PRH1: variants seen among roughly 807,000 people sequenced by gnomAD.
PRH1 encodes proline rich protein HaeIII subfamily 1.
Under a neutral mutation model 7.9 loss-of-function variants are expected in PRH1, and 7 were observed. The observed-to-expected ratio is 0.89, with a 90% CI of 0.50 to 1.67. The LOEUF (loss-of-function observed/expected upper bound fraction) is 1.67, where lower values mean the gene tolerates loss of function less well. PRH1 is among the 40% of genes most tolerant of loss of function. The pLI, the probability that PRH1 is intolerant of heterozygous loss-of-function variation, is 0.00. For missense variants in PRH1, 109 were observed against 223.6 expected, an observed-to-expected ratio of 0.49 and a Z score of 3.27; for synonymous variants, 45 against 80.8, an observed-to-expected ratio of 0.56 and a Z score of 2.38.
intron 2 of PRH1, among the ~76,000 whole-genome samples, chr12:10,927,954 A>G (rs1266108637): frequency 6.6e-6 from 1 of 152,260 alleles, no homozygotes; most frequent in Non-Finnish European, 1.5e-5. Flanking sequence ...GGACCCTGGA[A>G]GGATTTTTCA....
At chr12:11,078,992 G>A (rs1944407391) in intron 1 of PRH1, 1 of 147,754 alleles carries the variant, frequency 6.8e-6, no homozygotes, top group Admixed American at 6.9e-5. Context: ...TGAGTTTCCA[G>A]GAGGTCATCC....
intron 2 of PRH1, chr12:10,908,535 T>A: frequency 1.9e-6 from 3 of 1,613,884 alleles, no homozygotes; most frequent in Non-Finnish European, 2.5e-6. Context: ...CTGATACAGC[T>A]CAGAAATCCA....
intron 1 of PRH1, among the ~76,000 whole-genome samples, chr12:11,160,889 A>G (rs7969723): frequency 0.042 from 6,469 of 152,344 alleles, 459 homozygotes; most frequent in African/African-American, 0.15. Context: ...ATCTATAGGC[A>G]GGAACTTTTT....
At chr12:11,056,774 C>T (rs1943376746) in intron 1 of PRH1, among the ~76,000 whole-genome samples, 1 of 152,128 alleles carries the variant, frequency 6.6e-6, no homozygotes, top group Admixed American at 6.5e-5. Flanking sequence ...GTCGAGATCA[C>T]ACCACTGCAC....
chr12:11,104,320 C>T (rs982421592), intron 1 of PRH1, among the ~76,000 whole-genome samples: 5 of 144,650 alleles, frequency 3.5e-5, no homozygotes, highest in Admixed American at 2.8e-4. Flanking sequence ...ATGATGATCA[C>T]TCATATGTTT....
intron 1 of PRH1, among the ~76,000 whole-genome samples, chr12:11,011,893 A>C (rs1941084380): frequency 1.3e-5 from 2 of 152,128 alleles, no homozygotes; most frequent in Admixed American, 6.6e-5. Context: ...TTGTCCTGTA[A>C]TTTCCAAAAT....
chr12:10,932,140 A>G, intron 2 of PRH1: 1 of 368,788 alleles, frequency 2.7e-6, no homozygotes, highest in Non-Finnish European at 6.0e-6. Flanking sequence ...ATGGTTTTGC[A>G]TCTTCCTCAC....
At position 11,099,152 on chromosome 12, in the gene PRH1, C is replaced by T. The variant is rs562490262; in HGVS notation, n.124-51964G>A. Among the ~76,000 whole-genome samples, 7 of 152,276 alleles carry T rather than the reference C, an allele frequency of 4.6e-5. No individual in the cohort carries two copies. In the South Asian group the frequency reaches 1.4e-3, roughly 32 times the overall value. The stretch of plus-strand genomic sequence containing the variant: ...CACAGGAAGACTGACTACCTTTCCC[C>T]TGAACTTGGAGTTCAATCATTTAAC... On this transcript the variant is annotated intron_variant and non_coding_transcript_variant, in intron 1 of 4. Transcript: ENST00000541977.
At chr12:10,945,723 T>G (rs973631715) in intron 2 of PRH1, among the ~76,000 whole-genome samples, 2 of 152,160 alleles carry the variant, frequency 1.3e-5, no homozygotes, top group Non-Finnish European at 2.9e-5. Context: ...AGGAATTTCC[T>G]CATCCTAATA....
chr12:10,932,151 C>A (rs535810399), intron 2 of PRH1: 6 of 384,298 alleles, frequency 1.6e-5, no homozygotes, highest in African/African-American at 1.2e-4. Context: ...TCTTCCTCAC[C>A]GCAGTAAACC....
chr12:10,919,061 C>CA (rs1446782433), intron 2 of PRH1, among the ~76,000 whole-genome samples: 1 of 152,054 alleles, frequency 6.6e-6, no homozygotes, highest in East Asian at 1.9e-4. Context: ...GATTACAAAA[C>CA]AATTCTTGGT....
At chr12:11,114,910 A>G (rs568594029) in intron 1 of PRH1, among the ~76,000 whole-genome samples, 1 of 152,338 alleles carries the variant, frequency 6.6e-6, no homozygotes, top group Non-Finnish European at 1.5e-5. Flanking sequence ...ACACAAACAT[A>G]AAAAGCAAAA....
chr12:11,110,908 A>G (rs537830003), intron 1 of PRH1, among the ~76,000 whole-genome samples: 50 of 152,316 alleles, frequency 3.3e-4, no homozygotes, highest in African/African-American at 1.2e-3. Context: ...CAGGAAACCC[A>G]TCTCATGTGC....
rs1196150783 is a variant in PRH1, at chr12:11,004,697, C to G, written c.-125-30976G>C. On this transcript the variant is annotated intron_variant, in intron 1 of 3. Transcript: ENST00000539853. The stretch of plus-strand genomic sequence containing the variant: ...TCATTATTAATTTTTCTAATTTTTT[C>G]TTGAAGTTTCAAATACTTTTTTGTT... Among the ~76,000 whole-genome samples the G allele has an allele frequency of 2.6e-4, 39 of 151,588 alleles. 1 individual carries two copies. The highest frequency in any genetic ancestry group is 2.6e-3 in the Admixed American group (39 of 15,220).
chr12:10,993,028 T>G (rs1383867994), intron 1 of PRH1, among the ~76,000 whole-genome samples: 1 of 152,194 alleles, frequency 6.6e-6, no homozygotes, highest in African/African-American at 2.4e-5. Context: ...AGGAGGTGGT[T>G]GTCCATTTTT....
rs1266425427 is a variant in PRH1 at position 10,882,258 on chromosome 12, G to A, written c.541C>T (p.Pro181Ser). 1.7e-5 allele frequency: 27 copies of A among 1,613,394 alleles called. No homozygotes were observed. In the East Asian group the frequency reaches 6.0e-4, roughly 36 times the overall value. Residue 181 changes from proline to serine, a missense_variant, in exon 3 of 4, where the codon CCA (proline) becomes TCA (serine). Coordinates refer to ENST00000543626, the MANE Select transcript of PRH1 (RefSeq NM_001393989.1). ...GATTACTGAGGAGACTGCCCCTGTG[G>A]AGGTCCTTGTGGGCGGCCCCCTTGG... is the stretch of plus-strand genomic sequence containing the variant. Reference protein sequence around the residue: ...PPQGGRPQGPPQGQSPQ With the variant: ...PPQGGRPQGPSQGQSPQ
chr12:11,071,440 T>C (rs575959031), intron 1 of PRH1, among the ~76,000 whole-genome samples: 2 of 152,328 alleles, frequency 1.3e-5, no homozygotes, highest in South Asian at 2.1e-4. Context: ...TTCAGATAGT[T>C]TGGCTGAAGG....
intron 1 of PRH1, among the ~76,000 whole-genome samples, chr12:11,099,130 A>G (rs865819615): frequency 3.9e-5 from 6 of 152,172 alleles, no homozygotes; most frequent in Admixed American, 2.6e-4. Context: ...CTCCTATCAC[A>G]GGAAGACTGA....
In PRH1 at chr12:11,087,479, T is replaced by C. The variant is rs1380569310; in HGVS notation, n.124-40291A>G. Among the ~76,000 whole-genome samples the C allele has an allele frequency of 2.6e-5, 3 of 116,312 alleles. 1 individual carries two copies. Among genetic ancestry groups the C allele is most frequent in the Non-Finnish European group, 6.1e-5 (3 of 49,138 alleles). The allele number at this position is 116,312 out of a possible 152,430, so 76.3% of individuals were successfully genotyped here. A position where few individuals can be genotyped will look rare whatever the true frequency, so the allele number is the denominator to read the frequency against. On this transcript the variant is annotated intron_variant and non_coding_transcript_variant, in intron 1 of 4. Coordinates refer to the PRH1 transcript ENST00000541977. ...GGTGGAGCTAATCAGTTTGTAGTTATTACCTCTTCCTGAAAGTGTAACTGA... is the reference window on the plus strand; with the variant it reads ...GGTGGAGCTAATCAGTTTGTAGTTACTACCTCTTCCTGAAAGTGTAACTGA...
Sources: gnomAD v4.1 joint callset for allele counts (sites outside exome capture counted in the v4.1 genomes callset) on GRCh38, gnomAD v4.1.1 for gene constraint, MANE v1.5 for transcripts, NCBI Gene and HGNC (gene_info 2026-07-23, HGNC 2026-07-21) for gene names.